Variants in PTPRT observed in about 807,000 individuals in gnomAD.
PTPRT encodes protein tyrosine phosphatase receptor type T.
PTPRT carries 56 observed loss-of-function variants against 176.8 expected under a neutral mutation model. The observed-to-expected ratio is 0.32, with a 90% CI of 0.26 to 0.40. The LOEUF is 0.40. Among genes scored for constraint, PTPRT ranks in the 10% least tolerant of loss-of-function variants. The pLI is 1.00. For missense variants in PTPRT, 1,540 were observed against 1,908.2 expected, an observed-to-expected ratio of 0.81 and a Z score of 3.60; for synonymous variants, 783 against 739.0, an observed-to-expected ratio of 1.06 and a Z score of -0.96.
chr20:42,517,245 C>CT (rs1344681784), intron 7 of PTPRT, among the ~76,000 whole-genome samples: 2 of 151,398 alleles, frequency 1.3e-5, no homozygotes, highest in African/African-American at 4.8e-5. Context: ...TTTTTTTTCA[C>CT]TAAGTTTTAA....
intron 1 of PTPRT, among the ~76,000 whole-genome samples, chr20:42,974,591 T>G (rs1982835895): frequency 6.6e-6 from 1 of 152,128 alleles, no homozygotes; most frequent in Admixed American, 6.6e-5. Context: ...TTCCTTTTCC[T>G]CTTCACAGGC....
chr20:42,769,955 C>T (rs542858694), intron 5 of PTPRT, among the ~76,000 whole-genome samples: 12 of 152,058 alleles, frequency 7.9e-5, no homozygotes, highest in Non-Finnish European at 1.8e-4. Flanking sequence ...TTGTGACAAA[C>T]GGGAGTGGGG....
In PTPRT at chr20:42,208,088, A is replaced by C. The variant is rs1368476761; in HGVS notation, c.2343-8700T>G. Among the ~76,000 whole-genome samples, 7 of 130,080 alleles carry C rather than the reference A, an allele frequency of 5.4e-5. No homozygotes were observed. The South Asian group carries it at 1.6e-3, about 30-fold the overall frequency. The allele number at this position is 130,080 out of a possible 152,430, so 85.3% of individuals were successfully genotyped here. Reference sequence around the variant, plus strand: ...AATAAAATACTTTACAGACAAGCAAATGCTGAGAGATTTTGTCACCACCAG... The same window carrying C: ...AATAAAATACTTTACAGACAAGCAACTGCTGAGAGATTTTGTCACCACCAG... On this transcript the variant is annotated intron_variant, in intron 15 of 30. Coordinates refer to ENST00000373187, the MANE Select transcript of PTPRT (RefSeq NM_007050.6).
At chr20:42,294,925 A>C (rs1338282769) in intron 12 of PTPRT, among the ~76,000 whole-genome samples, 1 of 152,174 alleles carries the variant, frequency 6.6e-6, no homozygotes, top group Non-Finnish European at 1.5e-5. Context: ...AACCCAACAA[A>C]GACAACAGAA....
Position 42,968,269 on chromosome 20 carries a change from C to A in PTPRT, c.89-82337G>T, listed in dbSNP as rs145510128. 5.1e-3 allele frequency among the ~76,000 whole-genome samples: 780 copies of A among 152,318 alleles called. 6 individuals carry two copies. The highest frequency in any genetic ancestry group is 8.7e-3 in the Non-Finnish European group (594 of 68,038). ...CCTGAGTTACAGCAACAACGGCCAC[C>A]TGACTCCACTCATCTGTTGACCTGT... is the stretch of plus-strand genomic sequence containing the variant. On this transcript the variant is annotated intron_variant, in intron 1 of 30. Coordinates refer to ENST00000373187, the MANE Select transcript of PTPRT (RefSeq NM_007050.6).
At chr20:42,409,478 T>C (rs2058992154) in intron 9 of PTPRT, among the ~76,000 whole-genome samples, 1 of 87,644 alleles carries the variant, frequency 1.1e-5, no homozygotes, top group Non-Finnish European at 2.0e-5. Context: ...CGAGACTCTG[T>C]CGCAAAAAAA....
chr20:42,206,701 G>T (rs1167253780), intron 15 of PTPRT, among the ~76,000 whole-genome samples: 1 of 152,238 alleles, frequency 6.6e-6, no homozygotes, highest in Non-Finnish European at 1.5e-5. Flanking sequence ...CAGCGAGGCT[G>T]GGGGAGGGGC....
chr20:42,753,549 G>A (rs571553342), intron 6 of PTPRT, among the ~76,000 whole-genome samples: 1 of 152,344 alleles, frequency 6.6e-6, no homozygotes, highest in African/African-American at 2.4e-5. Context: ...TCAATGTGAA[G>A]GAGACTGGGT....
intron 1 of PTPRT, among the ~76,000 whole-genome samples, chr20:43,028,208 G>C (rs907430725): frequency 6.6e-6 from 1 of 152,044 alleles, no homozygotes; most frequent in Non-Finnish European, 1.5e-5. Flanking sequence ...ACTCAGTTAC[G>C]AGCTGCTCTC....
intron 15 of PTPRT, among the ~76,000 whole-genome samples, chr20:42,230,043 C>T (rs1444067567): frequency 1.3e-5 from 2 of 152,120 alleles, no homozygotes; most frequent in Non-Finnish European, 2.9e-5. Context: ...TTTGCTCCTG[C>T]CCATAACATA....
At chr20:42,668,687 C>T (rs1278853166) in intron 7 of PTPRT, among the ~76,000 whole-genome samples, 2 of 141,346 alleles carry the variant, frequency 1.4e-5, no homozygotes. Context: ...TGTCCGTCTG[C>T]GGATAATTCT....
intron 1 of PTPRT, among the ~76,000 whole-genome samples, chr20:43,066,658 T>C (rs901238219): frequency 6.6e-6 from 1 of 152,282 alleles, no homozygotes; most frequent in Non-Finnish European, 1.5e-5. Flanking sequence ...AGGTCACCTC[T>C]ACCCTGTTCC....
rs113081353 is a variant in PTPRT at position 42,182,978 on chromosome 20, C to T, written c.2491+16262G>A. Among the ~76,000 whole-genome samples, 697 of 150,116 alleles carry T rather than the reference C, an allele frequency of 4.6e-3. 7 individuals are homozygous for T. The highest frequency in any genetic ancestry group is 0.016 in the African/African-American group (647 of 40,980). On this transcript the variant is annotated intron_variant, in intron 16 of 30. Coordinates refer to ENST00000373187, the MANE Select transcript of PTPRT (RefSeq NM_007050.6). Reference sequence around the variant, plus strand: ...TTTCCATGTGCACCAGCATTTTGTGCTGTCACTTTCCTTGAAGTCTGATAT... The same window carrying T: ...TTTCCATGTGCACCAGCATTTTGTGTTGTCACTTTCCTTGAAGTCTGATAT...
chr20:42,496,749 T>C (rs2071661560), intron 7 of PTPRT, among the ~76,000 whole-genome samples: 1 of 152,094 alleles, frequency 6.6e-6, no homozygotes, highest in Non-Finnish European at 1.5e-5. Flanking sequence ...TCCCTAGCAG[T>C]AATTTATTGT....
intron 2 of PTPRT, among the ~76,000 whole-genome samples, chr20:42,842,232 C>T (rs986830840): frequency 6.6e-6 from 1 of 152,154 alleles, no homozygotes; most frequent in South Asian, 2.1e-4. Context: ...TTTATGGTGG[C>T]TGCACTGCGA....
At chr20:42,435,852 C>T (rs1324866036) in intron 9 of PTPRT, among the ~76,000 whole-genome samples, 1 of 152,110 alleles carries the variant, frequency 6.6e-6, no homozygotes, top group Non-Finnish European at 1.5e-5. Context: ...GAGGAATCTT[C>T]TCTACCAGAG....
At chr20:42,697,555 G>A (rs552260753) in intron 6 of PTPRT, among the ~76,000 whole-genome samples, 10 of 152,182 alleles carry the variant, frequency 6.6e-5, no homozygotes, top group African/African-American at 4.8e-5. Flanking sequence ...AAACAGACAC[G>A]GCCATGGGGC....
intron 1 of PTPRT, among the ~76,000 whole-genome samples, chr20:42,976,951 T>C (rs1982990724): frequency 6.6e-6 from 1 of 152,234 alleles, no homozygotes; most frequent in Admixed American, 6.5e-5. Context: ...AGACTTCCTA[T>C]GTCAGCTTTT....
intron 2 of PTPRT, among the ~76,000 whole-genome samples, chr20:42,884,038 CAT>C (rs2079065995): frequency 1.3e-5 from 2 of 150,790 alleles, no homozygotes; most frequent in African/African-American, 4.9e-5. Context: ...CAAGGAGGGC[CAT>C]GAAGAGTAGA....
Sources: allele counts gnomAD v4.1 joint callset (sites outside exome capture counted in the v4.1 genomes callset), GRCh38; gene constraint gnomAD v4.1.1; transcripts MANE v1.5; gene names NCBI Gene and HGNC (gene_info 2026-07-23, HGNC 2026-07-21).